ZNF565: variants seen among roughly 807,000 people sequenced by gnomAD.
ZNF565 encodes the protein zinc finger protein 565.
Under a neutral mutation model 39.4 loss-of-function variants are expected in ZNF565, and 27 were observed. The ratio of observed to expected loss-of-function variants is 0.69; its 90% CI spans 0.51 to 0.95. ZNF565 has a LOEUF of 0.95. ZNF565 is among the 40% of genes least tolerant of loss of function. ZNF565 has a pLI of 0.00. For synonymous variants in ZNF565, 185 were observed against 216.6 expected (o/e 0.85, Z 1.28); for missense variants, 524 against 621.1 (o/e 0.84, Z 1.66).
chr19:36,195,291 A>G, intron 2 of ZNF565, 135 bp from the exon 3 acceptor site: 1 of 1,072,590 alleles, frequency 9.3e-7, no homozygotes, highest in Non-Finnish European at 1.3e-6. Flanking sequence ...CTGCTTCAAC[A>G]GTTAACAAGG....
rs1975165868 is a variant in ZNF565 at position 36,183,523 on chromosome 19, A to G, written c.443T>C (p.Phe148Ser). 6.2e-7 allele frequency: 1 copy of G among 1,614,100 alleles called. No individual in the cohort carries two copies. The highest frequency in any genetic ancestry group is 1.3e-5 in the African/African-American group (1 of 74,944). The change falls in exon 5 of 5, where the codon TTC becomes TCC. Residue 148 changes from phenylalanine (F) to serine (S), a missense_variant. Coordinates refer to ENST00000304116, the MANE Select transcript of ZNF565 (RefSeq NM_152477.5). ...TACAGTGTGAGACGTGTGATGCTGGAACACGGGCATATGTCCATAGGTGAC... is the reference window on the plus strand; with the variant it reads ...TACAGTGTGAGACGTGTGATGCTGGGACACGGGCATATGTCCATAGGTGAC... ...VNVTYGHMPV[F>S]QHHTSHTVRQ...
chr19:36,233,335 G>T (rs960575715), intron 1 of ZNF565, among the ~76,000 whole-genome samples: 1 of 152,160 alleles, frequency 6.6e-6, no homozygotes, highest in South Asian at 2.1e-4. Flanking sequence ...AGTCGAGATC[G>T]CACCACTGCA....
intron 4 of ZNF565, among the ~76,000 whole-genome samples, chr19:36,192,195 G>A (rs1024093005): frequency 2.6e-5 from 4 of 151,674 alleles, no homozygotes; most frequent in Non-Finnish European, 4.4e-5. Flanking sequence ...CACCATATTG[G>A]CCAGGCTGGT....
intron 1 of ZNF565, among the ~76,000 whole-genome samples, chr19:36,202,572 A>G (rs1458558495): frequency 1.3e-5 from 2 of 152,142 alleles, no homozygotes; most frequent in African/African-American, 4.8e-5. Context: ...TAGTGATGCT[A>G]AACTTGGCCC....
chr19:36,187,190 CAA>C (rs1011342300), intron 4 of ZNF565, among the ~76,000 whole-genome samples: 1 of 133,004 alleles, frequency 7.5e-6, no homozygotes. Flanking sequence ...AACTCCATCT[CAA>C]AAAAAAAAAA....
At chr19:36,187,604 C>A (rs1975352906) in intron 4 of ZNF565, among the ~76,000 whole-genome samples, 1 of 150,980 alleles carries the variant, frequency 6.6e-6, no homozygotes, top group Non-Finnish European at 1.5e-5. Flanking sequence ...GCTCCGCCCA[C>A]CTCGGCCTCC....
intron 3 of ZNF565, chr19:36,194,578 C>T (rs1430677701): frequency 2.1e-6 from 1 of 476,948 alleles, no homozygotes; most frequent in Non-Finnish European, 3.8e-6. Flanking sequence ...ACCAGAAATT[C>T]CAGAAGGGTA....
intron 1 of ZNF565, among the ~76,000 whole-genome samples, chr19:36,243,446 A>C (rs1977831867): frequency 1.3e-5 from 2 of 152,210 alleles, no homozygotes; most frequent in South Asian, 2.1e-4. Context: ...CCCCAGAGTG[A>C]ATACAAAAAG....
intron 1 of ZNF565, among the ~76,000 whole-genome samples, chr19:36,231,726 C>T (rs1220239169): frequency 6.6e-6 from 1 of 152,030 alleles, no homozygotes; most frequent in African/African-American, 2.4e-5. Context: ...TGGATTATTT[C>T]TTTTCCCATG....
In ZNF565 at chr19:36,245,502, G is replaced by T; in HGVS notation, c.29C>A (p.Ser10Tyr). The change falls in exon 1 of 5, where the codon TCC becomes TAC. Residue 10 changes from serine to tyrosine, a missense_variant. Coordinates refer to the ZNF565 transcript ENST00000355114. This position sits in a 1 kb window ranked among gnomAD's most constrained non-coding sequence, Gnocchi z 4.4. ...TGCGTCCAGGCGGTGACTTGCGAGG[G>T]ACCACCTTTCCCAGGGTCCACGGCG... 2.8e-6 allele frequency: 2 copies of T among 702,308 alleles called. No homozygotes were observed. The highest frequency in any genetic ancestry group is 3.0e-5 in the South Asian group (2 of 67,578). 43.5% of individuals were successfully genotyped at this position (702,308 alleles called of 1,614,324 possible).
intron 1 of ZNF565, among the ~76,000 whole-genome samples, chr19:36,220,456 C>G (rs748834890): frequency 8.6e-5 from 13 of 152,026 alleles, no homozygotes; most frequent in South Asian, 4.1e-4. Flanking sequence ...TCTCCGCCTC[C>G]TGGGTTCAAG....
intron 4 of ZNF565, among the ~76,000 whole-genome samples, chr19:36,184,857 G>T (rs1568409630): frequency 1.3e-5 from 2 of 152,144 alleles, no homozygotes; most frequent in African/African-American, 4.8e-5. Context: ...GGTGGCTTAT[G>T]CCTTAATCCC....
At chr19:36,213,689 A>C (rs895032799) in intron 1 of ZNF565, among the ~76,000 whole-genome samples, 1 of 133,288 alleles carries the variant, frequency 7.5e-6, no homozygotes, top group African/African-American at 2.9e-5. Context: ...CCAGCCATTA[A>C]TTTTTTTTTT....
chr19:36,185,580 C>T lies in ZNF565; in HGVS notation c.233-1847G>A, dbSNP rs145204156. On this transcript the variant is annotated intron_variant, in intron 4 of 4. Transcript: ENST00000304116. ...CCCAGTGTACAAAACCACCAGCCAT[C>T]TATGAGCATGTAAAATAAATCTAGG... 7.6e-4 allele frequency among the ~76,000 whole-genome samples: 116 copies of T among 152,106 alleles called. No individual in the cohort carries two copies. The East Asian group carries it at 0.012, about 16-fold the overall frequency.
At chr19:36,205,515 G>A (rs182778495) in intron 1 of ZNF565, among the ~76,000 whole-genome samples, 30 of 152,202 alleles carry the variant, frequency 2.0e-4, no homozygotes, top group Admixed American at 3.3e-4. Flanking sequence ...GGAACAGAGT[G>A]AGACTCTCTC....
chr19:36,189,419 A>G (rs1003111431), intron 4 of ZNF565, among the ~76,000 whole-genome samples: 1 of 151,538 alleles, frequency 6.6e-6, no homozygotes, highest in African/African-American at 2.4e-5. Flanking sequence ...GGTTCAAACA[A>G]TTTTCCTGCC....
At chr19:36,233,315 G>C (rs1977475137) in intron 1 of ZNF565, among the ~76,000 whole-genome samples, 1 of 152,162 alleles carries the variant, frequency 6.6e-6, no homozygotes, top group Non-Finnish European at 1.5e-5. Context: ...AGGAGGCCGA[G>C]GTTGCAGTGA....
intron 1 of ZNF565, chr19:36,236,594 G>A (rs1319462375): frequency 6.2e-7 from 1 of 1,614,178 alleles, no homozygotes; most frequent in Admixed American, 1.7e-5. Flanking sequence ...GTGTGGAAAA[G>A]CCTTTAGCCA....
At chr19:36,236,268 G>T in intron 1 of ZNF565, 1 of 765,032 alleles carries the variant, frequency 1.3e-6, no homozygotes, top group Non-Finnish European at 2.0e-6. Context: ...TACTGAGTAT[G>T]ATAACATTTC....
Sources: allele counts gnomAD v4.1 joint callset (sites outside exome capture counted in the v4.1 genomes callset), GRCh38; gene constraint gnomAD v4.1.1; non-coding constraint Gnocchi (gnomAD v3.1); transcripts MANE v1.5; gene names NCBI Gene and HGNC (gene_info 2026-07-23, HGNC 2026-07-21).